SCOC: variants seen among roughly 807,000 people sequenced by gnomAD.
SCOC encodes short coiled coil protein.
SCOC carries 7 observed loss-of-function variants against 9.9 expected under a neutral mutation model. The observed-to-expected ratio is 0.71, with a 90% CI of 0.40 to 1.33. The LOEUF (loss-of-function observed/expected upper bound fraction) is 1.33. Among genes scored for constraint, SCOC ranks in the 40% most tolerant of loss-of-function variants. SCOC has a pLI of 0.01. For synonymous variants in SCOC, 19 were observed against 28.2 expected, an observed-to-expected ratio of 0.67 and a Z score of 1.03; for missense variants, 66 against 89.7, an observed-to-expected ratio of 0.74 and a Z score of 1.07.
chr4:140,287,599 A>G lies in SCOC; in HGVS notation c.-19+30189A>G, dbSNP rs1334538489. The stretch of plus-strand genomic sequence containing the variant: ...CACATGCATATACCATATATCACAC[A>G]TATGTACACACACTACACACATGCA... On this transcript the variant is annotated intron_variant, in intron 1 of 4. Coordinates refer to the SCOC transcript ENST00000394205. Among the ~76,000 whole-genome samples, 12 of 151,824 alleles carry G rather than the reference A, an allele frequency of 7.9e-5. No homozygotes were observed. The South Asian group carries it at 1.9e-3, about 24-fold the overall frequency.
chr4:140,352,745 A>T (rs945075674), intron 2 of SCOC, among the ~76,000 whole-genome samples: 13 of 152,018 alleles, frequency 8.6e-5, no homozygotes, highest in African/African-American at 3.1e-4. Flanking sequence ...TAATATTTTG[A>T]CTCTTCCTTT....
At chr4:140,314,654 C>G (rs1258799893) in intron 1 of SCOC, 1 of 152,060 alleles carries the variant, frequency 6.6e-6, no homozygotes, top group African/African-American at 2.4e-5. Context: ...GCAAAATATC[C>G]CAGGCAGATT....
At chr4:140,366,377 G>T (rs866440642) in intron 2 of SCOC, 2 of 1,268,014 alleles carry the variant, frequency 1.6e-6, no homozygotes, top group Middle Eastern at 2.2e-4. Context: ...TGCCTGCAGC[G>T]GTCATCTTTT....
At chr4:140,296,282 G>C (rs1731634687) in intron 1 of SCOC, among the ~76,000 whole-genome samples, 1 of 152,150 alleles carries the variant, frequency 6.6e-6, no homozygotes, top group Non-Finnish European at 1.5e-5. Context: ...CGTGAGAGAT[G>C]CTGTTAGGAA....
intron 2 of SCOC, among the ~76,000 whole-genome samples, chr4:140,355,249 AAT>A (rs1221033850): frequency 6.9e-6 from 1 of 145,646 alleles, no homozygotes; most frequent in African/African-American, 2.5e-5. Context: ...ATATATATAT[AAT>A]GTATATAAAA....
upstream of SCOC, among the ~76,000 whole-genome samples, chr4:140,372,180 G>C (rs1181043661): frequency 6.6e-6 from 1 of 152,216 alleles, no homozygotes; most frequent in African/African-American, 2.4e-5. Context: ...AGAGAGATTG[G>C]TTCTGGAGAT....
At chr4:140,291,128 C>T (rs1228040404) in intron 1 of SCOC, among the ~76,000 whole-genome samples, 1 of 152,154 alleles carries the variant, frequency 6.6e-6, no homozygotes, top group African/African-American at 2.4e-5. Context: ...GCAGGGCAAG[C>T]CTGGATCTGC....
chr4:140,327,570 C>T (rs1732686233), intron 1 of SCOC, among the ~76,000 whole-genome samples: 1 of 152,172 alleles, frequency 6.6e-6, no homozygotes, highest in Non-Finnish European at 1.5e-5. Flanking sequence ...GAGGCTGGGG[C>T]TTGATCCCAG....
At chr4:140,298,804 T>A (rs1435308313) in intron 1 of SCOC, among the ~76,000 whole-genome samples, 1 of 152,198 alleles carries the variant, frequency 6.6e-6, no homozygotes, top group Non-Finnish European at 1.5e-5. Context: ...AAATTTTAAT[T>A]AATAAATTAA....
chr4:140,291,553 G>A (rs1578777299), intron 1 of SCOC: 1 of 454,882 alleles, frequency 2.2e-6, no homozygotes, highest in Non-Finnish European at 4.4e-6. Context: ...GAGGGTGAGT[G>A]AGTTTGAAAA....
At chr4:140,373,429 C>G, upstream of SCOC, 12 of 1,513,650 alleles carry the variant, frequency 7.9e-6, no homozygotes, top group Admixed American at 4.3e-5. Context: ...TGTTCCAGGT[C>G]CCGCCCACAG....
chr4:140,306,527 G>A (rs941084344), intron 1 of SCOC, among the ~76,000 whole-genome samples: 1 of 152,176 alleles, frequency 6.6e-6, no homozygotes, highest in Non-Finnish European at 1.5e-5. Context: ...GAGATGTAGA[G>A]GCAAAGATTA....
intron 2 of SCOC, among the ~76,000 whole-genome samples, chr4:140,349,424 T>A (rs546334255): frequency 6.6e-6 from 1 of 152,318 alleles, no homozygotes; most frequent in Non-Finnish European, 1.5e-5. Context: ...ACAAAGCACA[T>A]CTGCAGGACA....
chr4:140,261,253 G>A (rs1488511822), intron 1 of SCOC, among the ~76,000 whole-genome samples: 1 of 152,202 alleles, frequency 6.6e-6, no homozygotes, highest in African/African-American at 2.4e-5. Context: ...AGGCAGAAGA[G>A]TATGTAACAT....
intron 1 of SCOC, among the ~76,000 whole-genome samples, chr4:140,263,480 C>T (rs184444954): frequency 6.6e-6 from 1 of 152,282 alleles, no homozygotes; most frequent in Non-Finnish European, 1.5e-5. Context: ...AGGTGAGCTG[C>T]TCGCTGCTGA....
rs555733190 is a variant in SCOC, at chr4:140,291,354, C to T, written c.-19+33944C>T. 229 of 454,786 alleles carry T rather than the reference C, an allele frequency of 5.0e-4. 1 individual carries two copies. Among genetic ancestry groups the T allele is most frequent in the African/African-American group, 4.0e-3 (203 of 50,184 alleles). The allele number at this position is 454,786 out of a possible 1,614,324, so 28.2% of individuals were successfully genotyped here. On this transcript the variant is annotated intron_variant, in intron 1 of 4. Transcript: ENST00000394205. ...ATATCCTGGAGTCCTAAAGACTTCA[C>T]GTGGTGGCAGCCGCCTGGCTCTTCA...
upstream of SCOC, among the ~76,000 whole-genome samples, chr4:140,369,577 AGT>A (rs1450004090): frequency 6.6e-6 from 1 of 152,144 alleles, no homozygotes; most frequent in Non-Finnish European, 1.5e-5. Context: ...GCACAATGAG[AGT>A]GTGCCAGACT....
chr4:140,308,774 T>C (rs765577699), intron 1 of SCOC, among the ~76,000 whole-genome samples: 3 of 152,236 alleles, frequency 2.0e-5, no homozygotes, highest in East Asian at 1.9e-4. Context: ...CTATGCAAGC[T>C]GTCTGAGCTC....
chr4:140,355,903 T>C (rs1161658425), intron 2 of SCOC, among the ~76,000 whole-genome samples: 2 of 152,146 alleles, frequency 1.3e-5, no homozygotes, highest in Non-Finnish European at 2.9e-5. Flanking sequence ...ATTTTTTTCA[T>C]AAAAAATGAG....
Sources: allele counts gnomAD v4.1 joint callset (sites outside exome capture counted in the v4.1 genomes callset), GRCh38; gene constraint gnomAD v4.1.1; transcripts MANE v1.5; gene names NCBI Gene and HGNC (gene_info 2026-07-23, HGNC 2026-07-21).